The following BAIAP2 variants were observed in gnomAD, a reference collection of about 807,000 sequenced individuals.
The protein encoded by BAIAP2 is BAR/IMD domain containing adaptor protein 2.
Under a neutral mutation model 63.0 loss-of-function variants are expected in BAIAP2, and 18 were observed. The ratio of observed to expected loss-of-function variants is 0.29; its 90% CI spans 0.20 to 0.42. The LOEUF is 0.42. Among genes scored for constraint, BAIAP2 ranks in the 10% least tolerant of loss-of-function variants. The pLI, the probability that BAIAP2 is intolerant of heterozygous loss-of-function variation, is 1.00. For synonymous variants in BAIAP2, 386 were observed against 307.6 expected, an observed-to-expected ratio of 1.25 and a Z score of -2.67; for missense variants, 610 against 734.3, an observed-to-expected ratio of 0.83 and a Z score of 1.96.
chr17:81,057,973 A>ACACCCCC lies in BAIAP2; in HGVS notation c.217+7_217+8insACCCCCC. 2 of 765,814 alleles carry ACACCCCC rather than the reference A, an allele frequency of 2.6e-6. No individual in the cohort carries two copies. Among genetic ancestry groups the ACACCCCC allele is most frequent in the African/African-American group, 4.4e-5 (1 of 22,714 alleles). The allele number at this position is 765,814 out of a possible 1,614,324, so 47.4% of individuals were successfully genotyped here. ...CCAGGGCTCCAAAGAACTCGGTGAGACCCCCCCCCCCCCCCCGCCTGGTAG... is the reference window on the plus strand; with the variant it reads ...CCAGGGCTCCAAAGAACTCGGTGAGACACCCCCCCCCCCCCCCCCCCCCGCCTGGTAG... On this transcript the variant is annotated splice_region_variant and intron_variant, in intron 3 of 13. Transcript: ENST00000428708.
At chr17:81,106,010 A>G (rs893755849) in intron 10 of BAIAP2, 68 bp from the exon 11 acceptor site, 25 of 1,395,902 alleles carry the variant, frequency 1.8e-5, no homozygotes, top group Non-Finnish European at 2.5e-5. Flanking sequence ...TTGTGCATGG[A>G]TGGTGGTCGG....
At position 81,057,969 on chromosome 17, in the gene BAIAP2, T is replaced by TGCGGGGGGGGGGGGGGGGGGG; in HGVS notation, c.217+3_217+4insCGGGGGGGGGGGGGGGGGGGG. Reference sequence around the variant, plus strand: ...AGAGCCAGGGCTCCAAAGAACTCGGTGAGACCCCCCCCCCCCCCCCGCCTG... The same window carrying TGCGGGGGGGGGGGGGGGGGGG: ...AGAGCCAGGGCTCCAAAGAACTCGGTGCGGGGGGGGGGGGGGGGGGGGAGACCCCCCCCCCCCCCCCGCCTG... On this transcript the variant is annotated splice_region_variant and intron_variant, in intron 3 of 13. Transcript: ENST00000428708. 1 of 964,856 alleles carries TGCGGGGGGGGGGGGGGGGGGG rather than the reference T, an allele frequency of 1.0e-6. No individual in the cohort carries two copies. Among genetic ancestry groups the TGCGGGGGGGGGGGGGGGGGGG allele is most frequent in the Non-Finnish European group, 1.4e-6 (1 of 713,582 alleles). 59.8% of individuals were successfully genotyped at this position (964,856 alleles called of 1,614,324 possible).
At chr17:81,058,437 G>A (rs2049992936) in intron 3 of BAIAP2, among the ~76,000 whole-genome samples, 1 of 152,248 alleles carries the variant, frequency 6.6e-6, no homozygotes, top group Non-Finnish European at 1.5e-5. Context: ...CAAATTTTCT[G>A]TGATCGCTCC....
intron 2 of BAIAP2, among the ~76,000 whole-genome samples, chr17:81,055,969 GC>G (rs1234487441): frequency 6.6e-6 from 1 of 152,188 alleles, no homozygotes; most frequent in African/African-American, 2.4e-5. Flanking sequence ...CGGCAGCAGA[GC>G]CTGTGGCAGC....
chr17:81,080,848 C>G (rs1458935018), intron 3 of BAIAP2, among the ~76,000 whole-genome samples: 2 of 152,024 alleles, frequency 1.3e-5, no homozygotes, highest in East Asian at 3.9e-4. Flanking sequence ...GAGACCCCAT[C>G]TCAAAAAATA....
At chr17:81,098,575 A>G (rs1003801795) in intron 6 of BAIAP2, among the ~76,000 whole-genome samples, 1 of 152,142 alleles carries the variant, frequency 6.6e-6, no homozygotes, top group African/African-American at 2.4e-5. Context: ...TTCCCAAACT[A>G]AAGCTCTTAG....
intron 13 of BAIAP2, chr17:81,110,480 G>C: frequency 5.9e-6 from 6 of 1,022,414 alleles, no homozygotes; most frequent in Non-Finnish European, 7.0e-6. Context: ...CTGTACTGCA[G>C]TTACTTGTTT....
Position 81,100,791 on chromosome 17 carries a change from C to T in BAIAP2, c.642+711C>T, listed in dbSNP as rs145332008. On this transcript the variant is annotated intron_variant, in intron 7 of 13. Coordinates refer to ENST00000428708, the MANE Select transcript of BAIAP2 (RefSeq NM_001144888.2). Reference sequence around the variant, plus strand: ...TCTCAGGTGGCCTCCCCAGTCCCTCCCTCACTGCTCCAGAGTGGCCTCCCT... The same window carrying T: ...TCTCAGGTGGCCTCCCCAGTCCCTCTCTCACTGCTCCAGAGTGGCCTCCCT... Among the ~76,000 whole-genome samples, 151 of 152,264 alleles carry T rather than the reference C, an allele frequency of 9.9e-4. 1 individual carries two copies. Among genetic ancestry groups the T allele is most frequent in the Non-Finnish European group, 1.8e-3 (120 of 67,990 alleles).
chr17:81,052,876 A>G (rs577756806), intron 1 of BAIAP2, among the ~76,000 whole-genome samples: 3 of 152,128 alleles, frequency 2.0e-5, no homozygotes, highest in East Asian at 3.9e-4. Flanking sequence ...GGATCACATC[A>G]TAACAAATGA....
At chr17:81,101,099 G>C (rs369868869) in intron 7 of BAIAP2, among the ~76,000 whole-genome samples, 1 of 152,044 alleles carries the variant, frequency 6.6e-6, no homozygotes, top group African/African-American at 2.4e-5. Flanking sequence ...CCCCGGCACA[G>C]TCCTGCGGCC....
At chr17:81,097,382 C>T (rs992694829) in intron 6 of BAIAP2, among the ~76,000 whole-genome samples, 12 of 152,172 alleles carry the variant, frequency 7.9e-5, no homozygotes, top group Admixed American at 2.0e-4. Flanking sequence ...GTGCTGGGAC[C>T]GACCCACACC....
At chr17:81,048,930 A>G (rs1246748928) in intron 1 of BAIAP2, among the ~76,000 whole-genome samples, 3 of 152,108 alleles carry the variant, frequency 2.0e-5, no homozygotes, top group African/African-American at 2.4e-5. Context: ...GAAGCCTTCC[A>G]TGGCGTGTGT....
intron 1 of BAIAP2, among the ~76,000 whole-genome samples, chr17:81,050,438 G>A (rs992480575): frequency 2.6e-5 from 4 of 152,190 alleles, no homozygotes; most frequent in South Asian, 2.1e-4. Context: ...TGCCCCGTGC[G>A]TCATGCGGTA....
At chr17:81,104,188 T>C in intron 9 of BAIAP2, 80 bp downstream of exon 9, 1 of 1,458,794 alleles carries the variant, frequency 6.9e-7, no homozygotes, top group South Asian at 1.2e-5. Context: ...CAACCCTCAA[T>C]AGGGGCCTGG....
At chr17:81,095,885 A>T (rs1345389533) in intron 6 of BAIAP2, among the ~76,000 whole-genome samples, 1 of 152,126 alleles carries the variant, frequency 6.6e-6, no homozygotes, top group Non-Finnish European at 1.5e-5. Context: ...AGGCTGCCGT[A>T]CCCTGCTAAT....
intron 13 of BAIAP2, chr17:81,110,174 A>T (rs2059737837): frequency 2.0e-6 from 2 of 985,552 alleles, no homozygotes; most frequent in African/African-American, 3.5e-5. Context: ...GTGGTTTAGT[A>T]AAAGCCTCCC....
intron 2 of BAIAP2, chr17:81,057,602 GGATCA>G: frequency 8.7e-7 from 1 of 1,147,558 alleles, no homozygotes. Context: ...CACGTGATAG[GGATCA>G]GCTCTCTGCA....
At chr17:81,041,440 G>T (rs2047058792) in intron 1 of BAIAP2, among the ~76,000 whole-genome samples, 1 of 152,198 alleles carries the variant, frequency 6.6e-6, no homozygotes, top group Admixed American at 6.5e-5. Context: ...CCCCTTGTTG[G>T]GGGAAAGGCT....
At chr17:81,090,830 C>G (rs1260147011) in intron 6 of BAIAP2, among the ~76,000 whole-genome samples, 1 of 152,166 alleles carries the variant, frequency 6.6e-6, no homozygotes, top group Non-Finnish European at 1.5e-5. Flanking sequence ...CTCCAGGCCC[C>G]TTGCCCCACC....
Sources: allele counts gnomAD v4.1 joint callset (sites outside exome capture counted in the v4.1 genomes callset), GRCh38; gene constraint gnomAD v4.1.1; transcripts MANE v1.5; gene names NCBI Gene and HGNC (gene_info 2026-07-23, HGNC 2026-07-21).